CLMP: variants seen among roughly 807,000 people sequenced by gnomAD.
CLMP encodes CXADR-like membrane protein.
In CLMP, 27 loss-of-function variants were observed where a neutral mutation model predicts 45.2. The ratio of observed to expected loss-of-function variants is 0.60; its 90% CI spans 0.44 to 0.82. CLMP has a LOEUF of 0.82. Among genes scored for constraint, CLMP ranks in the 40% least tolerant of loss-of-function variants. The pLI is 0.00. For synonymous variants in CLMP, 167 were observed against 171.4 expected (o/e 0.97, Z 0.20); for missense variants, 403 against 448.4 (o/e 0.90, Z 0.91).
intron 1 of CLMP, among the ~76,000 whole-genome samples, chr11:123,135,583 A>G (rs371059028): frequency 9.2e-5 from 14 of 152,160 alleles, no homozygotes; most frequent in Non-Finnish European, 1.8e-4. Context: ...TTTTATTTAC[A>G]TAAAAAGAGA....
intron 1 of CLMP, among the ~76,000 whole-genome samples, chr11:123,117,104 C>T (rs539891797): frequency 1.3e-5 from 2 of 152,214 alleles, no homozygotes; most frequent in South Asian, 2.1e-4. Context: ...CAAAAATTAG[C>T]CAGGAGTGGT....
intron 1 of CLMP, among the ~76,000 whole-genome samples, chr11:123,176,455 T>C (rs1036327227): frequency 1.8e-4 from 28 of 152,228 alleles, no homozygotes; most frequent in African/African-American, 6.5e-4. Context: ...TGAGTATCTC[T>C]GGAAGGGAAA....
At chr11:123,164,180 C>T (rs555071143) in intron 1 of CLMP, among the ~76,000 whole-genome samples, 2 of 152,272 alleles carry the variant, frequency 1.3e-5, no homozygotes, top group South Asian at 4.1e-4. Context: ...TACCCCCATT[C>T]GTATCATATA....
intron 1 of CLMP, among the ~76,000 whole-genome samples, chr11:123,149,548 A>G (rs1861283068): frequency 6.6e-6 from 1 of 152,192 alleles, no homozygotes; most frequent in Non-Finnish European, 1.5e-5. Context: ...ATGGCCCCAG[A>G]ATATAAATTC....
intron 1 of CLMP, among the ~76,000 whole-genome samples, chr11:123,130,595 G>T (rs1292204858): frequency 6.6e-6 from 1 of 152,130 alleles, no homozygotes; most frequent in Non-Finnish European, 1.5e-5. Context: ...ACCTTCACTG[G>T]CAGGCACCCA....
chr11:123,080,473 A>C (rs2135465696), intron 5 of CLMP, among the ~76,000 whole-genome samples: 1 of 152,018 alleles, frequency 6.6e-6, no homozygotes, highest in East Asian at 1.9e-4. Context: ...GATTACGGGC[A>C]TGTGCCACCA....
At chr11:123,189,162 G>C (rs1025542728) in intron 1 of CLMP, among the ~76,000 whole-genome samples, 7 of 152,206 alleles carry the variant, frequency 4.6e-5, no homozygotes, top group African/African-American at 9.6e-5. Flanking sequence ...GGAATGGAGT[G>C]GGGGAAGGGG....
chr11:123,152,652 A>T (rs996001825), intron 1 of CLMP, among the ~76,000 whole-genome samples: 5 of 152,154 alleles, frequency 3.3e-5, no homozygotes, highest in Non-Finnish European at 7.3e-5. Flanking sequence ...CAGCTTCCAG[A>T]ATTGTGAGAA....
intron 1 of CLMP, among the ~76,000 whole-genome samples, chr11:123,130,601 A>T (rs1222362016): frequency 6.6e-6 from 1 of 152,068 alleles, no homozygotes; most frequent in Non-Finnish European, 1.5e-5. Flanking sequence ...ACTGGCAGGC[A>T]CCCACTGGGA....
At chr11:123,146,071 T>G (rs1326658857) in intron 1 of CLMP, among the ~76,000 whole-genome samples, 1 of 152,202 alleles carries the variant, frequency 6.6e-6, no homozygotes. Context: ...GCATCCCTAT[T>G]TTATAGATGG....
intron 1 of CLMP, among the ~76,000 whole-genome samples, chr11:123,113,722 G>C (rs968816261): frequency 6.6e-6 from 1 of 152,120 alleles, no homozygotes; most frequent in African/African-American, 2.4e-5. Context: ...TACAGACTGG[G>C]GGTTGACTAT....
chr11:123,085,595 T>TAAAAAAAAA (rs35921171), intron 2 of CLMP, among the ~76,000 whole-genome samples: 4 of 82,096 alleles, frequency 4.9e-5, no homozygotes, highest in Non-Finnish European at 7.1e-5. Context: ...GCTACAAAGA[T>TAAAAAAAAA]AAAAAAAAAA....
At chr11:123,115,145 G>A (rs1030289172) in intron 1 of CLMP, among the ~76,000 whole-genome samples, 1 of 152,074 alleles carries the variant, frequency 6.6e-6, no homozygotes, top group African/African-American at 2.4e-5. Flanking sequence ...AGGCTCAAGC[G>A]ATCCTCCTGC....
intron 6 of CLMP, among the ~76,000 whole-genome samples, chr11:123,074,497 G>A (rs189458321): frequency 6.6e-5 from 10 of 152,204 alleles, no homozygotes; most frequent in African/African-American, 2.4e-4. Flanking sequence ...TAACTTTTAA[G>A]TGTTTGTTGA....
chr11:123,186,801 G>A (rs1483630170), intron 1 of CLMP, among the ~76,000 whole-genome samples: 4 of 152,150 alleles, frequency 2.6e-5, no homozygotes, highest in African/African-American at 9.7e-5. Context: ...AGGATTACAG[G>A]CATGAGCCAG....
intron 1 of CLMP, among the ~76,000 whole-genome samples, chr11:123,142,754 G>A (rs1861180955): frequency 7.2e-6 from 1 of 138,692 alleles, no homozygotes; most frequent in Non-Finnish European, 1.5e-5. Context: ...AGCCTCCCGA[G>A]TAGCTGGGAC....
chr11:123,133,541 T>C (rs1231762173), intron 1 of CLMP, among the ~76,000 whole-genome samples: 1 of 152,230 alleles, frequency 6.6e-6, no homozygotes, highest in Non-Finnish European at 1.5e-5. Context: ...TTATTGTCCC[T>C]AGATTTGAGC....
rs537447169 is a variant in CLMP, at chr11:123,073,480, C to G, written c.1116G>C (p.Thr372=). The part of the protein sequence containing the change: ...MIPSQSRAFQ[T]V ...GAGTCAAGTCCATTGTAATTCAGAC[C>G]GTTTGGAAGGCTCTGCTCTGGCTGG... The change falls in exon 7 of 7, where the codon ACG becomes ACC. Residue 372 remains threonine (T), a synonymous_variant. Coordinates refer to ENST00000448775, the MANE Select transcript of CLMP (RefSeq NM_024769.5). 2 of 1,608,246 alleles carry G rather than the reference C, an allele frequency of 1.2e-6. No homozygotes were observed. The highest frequency in any genetic ancestry group is 8.5e-7 in the Non-Finnish European group (1 of 1,176,746).
rs1436563239 is a variant in CLMP, at chr11:123,194,966, C to T, written c.-26G>A. On this transcript the variant is annotated 5_prime_UTR_variant, in exon 1 of 7. Transcript: ENST00000448775. ...CCCGATCCCCGGACGCGGGCGCTTC[C>T]CCGCTCAGCTGCTGCTTGGCTCCGG... The T allele has an allele frequency of 1.9e-6, 3 of 1,610,620 alleles. No individual in the cohort carries two copies. The highest frequency in any genetic ancestry group is 1.3e-5 in the African/African-American group (1 of 74,750).
Sources: allele counts gnomAD v4.1 joint callset (sites outside exome capture counted in the v4.1 genomes callset), GRCh38; gene constraint gnomAD v4.1.1; transcripts MANE v1.5; gene names NCBI Gene and HGNC (gene_info 2026-07-23, HGNC 2026-07-21).